Variants in LIPG observed in about 807,000 individuals in gnomAD.
LIPG encodes lipase G, endothelial type, also known as endothelial lipase.
In LIPG, 34 loss-of-function variants were observed where a neutral mutation model predicts 51.8. That is an observed-to-expected ratio of 0.66 (90% CI 0.50 to 0.87). LIPG has a LOEUF of 0.87. LIPG is among the 40% of genes least tolerant of loss of function. The pLI is 0.00. For missense variants in LIPG, 580 were observed against 652.7 expected, an observed-to-expected ratio of 0.89 and a Z score of 1.21; for synonymous variants, 246 against 246.1, an observed-to-expected ratio of 1.00 and a Z score of 0.00.
chr18:49,595,767 G>A lies in LIPG; in HGVS notation c.*5245G>A, dbSNP rs969297178. The A allele has an allele frequency of 6.6e-6, 1 of 152,256 alleles. No individual in the cohort carries two copies. Among genetic ancestry groups the A allele is most frequent in the African/African-American group, 2.4e-5 (1 of 41,460 alleles). The allele number at this position is 152,256 out of a possible 1,614,324, so 9.4% of individuals were successfully genotyped here. A position where few individuals can be genotyped will look rare whatever the true frequency, so the allele number is the denominator to read the frequency against. On this transcript the variant is annotated 3_prime_UTR_variant, in exon 10 of 10. Coordinates refer to ENST00000261292, the MANE Select transcript of LIPG (RefSeq NM_006033.4). The stretch of plus-strand genomic sequence containing the variant: ...CGCTCGAACCTGGGAGATGGAGTTT[G>A]CAGTGAGCTGAGATCACGCCACTGC...
Position 49,583,543 on chromosome 18 carries a change from C to T in LIPG, c.1158-13C>T. 6.2e-7 allele frequency: 1 copy of T among 1,608,584 alleles called. No homozygotes were observed. The highest frequency in any genetic ancestry group is 8.5e-7 in the Non-Finnish European group (1 of 1,175,108). ...TGTTAGGGGAGTGAGATCAGCTTCTCTCCCACTTGTAGAGTGGAGCGGATC... is the reference window on the plus strand; with the variant it reads ...TGTTAGGGGAGTGAGATCAGCTTCTTTCCCACTTGTAGAGTGGAGCGGATC... On this transcript the variant is annotated splice_polypyrimidine_tract_variant and intron_variant, in intron 7 of 9. Coordinates refer to ENST00000261292, the MANE Select transcript of LIPG (RefSeq NM_006033.4).
chr18:49,565,569 A>G (rs958282984), intron 2 of LIPG, 71 bp downstream of exon 2: 2 of 1,550,390 alleles, frequency 1.3e-6, no homozygotes, highest in Admixed American at 3.4e-5. Context: ...AATTAGAAAG[A>G]ATTCTGGTGT....
In LIPG at chr18:49,583,602, A is replaced by G. The variant is rs1360946558; in HGVS notation, c.1204A>G (p.Thr402Ala). 1 of 1,614,140 alleles carries G rather than the reference A, an allele frequency of 6.2e-7. No homozygotes were observed. The highest frequency in any genetic ancestry group is 1.7e-5 in the Admixed American group (1 of 60,018). ...TGCCACCAACACCTTCCTGGTCTAC[A>G]CCGAGGAGGACTTGGGAGACCTCTT... ...QNATNTFLVY[T>A]EEDLGDLLKI... Residue 402 changes from threonine (T) to alanine (A), a missense_variant, in exon 8 of 10, where the codon ACC becomes GCC. Thr to Ala is a moderately conservative substitution (Grantham distance 58, BLOSUM62 0). Coordinates refer to ENST00000261292, the MANE Select transcript of LIPG (RefSeq NM_006033.4).
Position 49,562,075 on chromosome 18 carries a change from C to G in LIPG, c.-234C>G. The G allele has an allele frequency of 6.9e-7, 1 of 1,440,526 alleles. No individual in the cohort carries two copies. Among genetic ancestry groups the G allele is most frequent in the South Asian group, 1.5e-5 (1 of 66,304 alleles). The allele number at this position is 1,440,526 out of a possible 1,614,324, so 89.2% of individuals were successfully genotyped here. On this transcript the variant is annotated 5_prime_UTR_variant, in exon 1 of 10. Coordinates refer to ENST00000261292, the MANE Select transcript of LIPG (RefSeq NM_006033.4). ...GCGTGACAGCAGCGAGTCCTTGCCTCCCGGCGGCTCAGGACGAGGGCAGAT... is the reference window on the plus strand; with the variant it reads ...GCGTGACAGCAGCGAGTCCTTGCCTGCCGGCGGCTCAGGACGAGGGCAGAT...
rs940875332 is a variant in LIPG, at chr18:49,590,814, C to T, written c.*292C>T. 7.6e-6 allele frequency: 4 copies of T among 524,868 alleles called. No individual in the cohort carries two copies. Among genetic ancestry groups the T allele is most frequent in the African/African-American group, 1.9e-5 (1 of 52,154 alleles). 32.5% of individuals were successfully genotyped at this position (524,868 alleles called of 1,614,324 possible). On this transcript the variant is annotated 3_prime_UTR_variant, in exon 10 of 10. Coordinates refer to ENST00000261292, the MANE Select transcript of LIPG (RefSeq NM_006033.4). ...AAGCAGCTGGGTGCCTGGGGCCTCTCGTGCACACTGGATTGGTTTCTCAGT... is the reference window on the plus strand; with the variant it reads ...AAGCAGCTGGGTGCCTGGGGCCTCTTGTGCACACTGGATTGGTTTCTCAGT...
At chr18:49,561,585 G>A, upstream of LIPG, 1 of 906,486 alleles carries the variant, frequency 1.1e-6, no homozygotes, top group Non-Finnish European at 1.4e-6. Context: ...GAGAAGAGGA[G>A]GACAAAGGGG....
At chr18:49,570,355 TAC>T (rs1180632213) in intron 4 of LIPG, among the ~76,000 whole-genome samples, 3 of 152,226 alleles carry the variant, frequency 2.0e-5, no homozygotes, top group South Asian at 2.1e-4. Context: ...CTCAAGTATA[TAC>T]ACAGAGATTC....
chr18:49,581,435 T>C lies in LIPG; in HGVS notation c.814T>C (p.Cys272Arg). The C allele has an allele frequency of 1.2e-6, 2 of 1,614,098 alleles. No homozygotes were observed. The highest frequency in any genetic ancestry group is 1.1e-5 in the South Asian group (1 of 91,072). The change falls in exon 6 of 10, where the codon TGT (cysteine) becomes CGT (arginine). Residue 272 changes from cysteine to arginine, a missense_variant. Transcript: ENST00000261292. ...AYGTITEVVK[C>R]EHERAVHLFV... ...CCCAGCAATCACAGAGGTGGTAAAA[T>C]GTGAGCATGAGCGAGCCGTCCACCT...
chr18:49,580,249 T>G (rs747730572), intron 5 of LIPG, among the ~76,000 whole-genome samples: 3 of 152,176 alleles, frequency 2.0e-5, no homozygotes, highest in Non-Finnish European at 4.4e-5. Flanking sequence ...ACCAACTGTC[T>G]CTATGACCCT....
At chr18:49,583,466 TG>T in intron 7 of LIPG, 89 bp from the exon 8 acceptor site, 1 of 997,246 alleles carries the variant, frequency 1.0e-6, no homozygotes, top group Non-Finnish European at 1.6e-6. Context: ...CCTGTCTGTG[TG>T]GGGTTGTTAC....
In LIPG at chr18:49,591,987, T is replaced by C. The variant is rs2084949965; in HGVS notation, c.*1465T>C. The C allele has an allele frequency of 1.3e-5, 2 of 152,072 alleles. No homozygotes were observed. Among genetic ancestry groups the C allele is most frequent in the Admixed American group, 6.6e-5 (1 of 15,266 alleles). The allele number at this position is 152,072 out of a possible 1,614,324, so 9.4% of individuals were successfully genotyped here. A position where few individuals can be genotyped will look rare whatever the true frequency, so the allele number is the denominator to read the frequency against. Reference sequence around the variant, plus strand: ...GTGAGACAAACAAGGACTTTTTTTTTTATATAGAGCCATCCATAAAATCCT... The same window carrying C: ...GTGAGACAAACAAGGACTTTTTTTTCTATATAGAGCCATCCATAAAATCCT... On this transcript the variant is annotated 3_prime_UTR_variant, in exon 10 of 10. Transcript: ENST00000261292.
rs186095655 is a variant in LIPG, at chr18:49,575,077, C to A, written c.572-292C>A. Among the ~76,000 whole-genome samples the A allele has an allele frequency of 6.6e-5, 10 of 152,238 alleles. No homozygotes were observed. The East Asian group carries it at 1.9e-3, about 29-fold the overall frequency. ...GCAGTTCCTTGGAGCTGTGTGGCAG[C>A]GAAACTTGTGGCTAGTTGACGGGGT... On this transcript the variant is annotated intron_variant, in intron 4 of 9. Transcript: ENST00000261292.
rs1035887364 is a variant in LIPG at position 49,597,608 on chromosome 18, C to G, written c.*7086C>G. 1.3e-5 allele frequency: 2 copies of G among 152,294 alleles called. No homozygotes were observed. The highest frequency in any genetic ancestry group is 2.9e-5 in the Non-Finnish European group (2 of 68,116). The allele number at this position is 152,294 out of a possible 1,614,324, so 9.4% of individuals were successfully genotyped here. ...GTGTGTGTGCAGAGGGAAAGGGCTG[C>G]AAGAAGACTCTGGAAGCTAGGACAG... On this transcript the variant is annotated 3_prime_UTR_variant, in exon 10 of 10. Transcript: ENST00000261292.
At position 49,577,099 on chromosome 18, in the gene LIPG, A is replaced by T. The variant is rs58095046; in HGVS notation, c.793+1509A>T. On this transcript the variant is annotated intron_variant, in intron 5 of 9. Coordinates refer to ENST00000261292, the MANE Select transcript of LIPG (RefSeq NM_006033.4). ...TGGCAGGGTCATGGGACAATAGTGGAGGGAAGGTCAGCAGATAAACAAGTG... is the reference window on the plus strand; with the variant it reads ...TGGCAGGGTCATGGGACAATAGTGGTGGGAAGGTCAGCAGATAAACAAGTG... 9.8e-3 allele frequency among the ~76,000 whole-genome samples: 1,437 copies of T among 146,282 alleles called. 109 individuals are homozygous for T. In the East Asian group the frequency reaches 0.21, roughly 21 times the overall value.
chr18:49,562,211 AG>A lies in LIPG; in HGVS notation c.-97del. On this transcript the variant is annotated 5_prime_UTR_variant, in exon 1 of 10. Coordinates refer to ENST00000261292, the MANE Select transcript of LIPG (RefSeq NM_006033.4). ...CCTCCAGTCCCCCAGCCCCTGGCCG[AG>A]AGAAGGGTCTTACCGGCCGGGATTG... 1 of 1,600,078 alleles carries A rather than the reference AG, an allele frequency of 6.2e-7. No homozygotes were observed. Among genetic ancestry groups the A allele is most frequent in the Non-Finnish European group, 8.5e-7 (1 of 1,175,072 alleles).
At chr18:49,578,199 G>A (rs1600556605) in intron 5 of LIPG, among the ~76,000 whole-genome samples, 2 of 148,266 alleles carry the variant, frequency 1.3e-5, no homozygotes, top group African/African-American at 5.1e-5. Context: ...GGTGGCTGCC[G>A]GGCGGAGAGG....
In LIPG at chr18:49,591,922, GA is replaced by G. The variant is rs923809249; in HGVS notation, c.*1402del. On this transcript the variant is annotated 3_prime_UTR_variant, in exon 10 of 10. Coordinates refer to ENST00000261292, the MANE Select transcript of LIPG (RefSeq NM_006033.4). ...GCAAAGTCTATCTCTGAAACTCCAT[GA>G]AGACTTTTGCAGCCAGTTCCCACCA... The G allele has an allele frequency of 6.6e-6, 1 of 152,156 alleles. No homozygotes were observed. Among genetic ancestry groups the G allele is most frequent in the Non-Finnish European group, 1.5e-5 (1 of 68,032 alleles). 9.4% of individuals were successfully genotyped at this position (152,156 alleles called of 1,614,324 possible). A position where few individuals can be genotyped will look rare whatever the true frequency, so the allele number is the denominator to read the frequency against.
chr18:49,578,560 C>G (rs972604109), intron 5 of LIPG, among the ~76,000 whole-genome samples: 5 of 150,286 alleles, frequency 3.3e-5, no homozygotes, highest in Admixed American at 1.3e-4. Context: ...GGCAGAGGGG[C>G]TCCTCACATC....
intron 4 of LIPG, among the ~76,000 whole-genome samples, chr18:49,574,584 C>G (rs748365399): frequency 2.0e-5 from 3 of 152,334 alleles, no homozygotes; most frequent in Non-Finnish European, 4.4e-5. Flanking sequence ...CACACGCATA[C>G]AGGTAACTAG....
Sources: allele counts gnomAD v4.1 joint callset (sites outside exome capture counted in the v4.1 genomes callset), GRCh38; gene constraint gnomAD v4.1.1; transcripts MANE v1.5; gene names NCBI Gene and HGNC (gene_info 2026-07-23, HGNC 2026-07-21).